OSBPL9: variants seen among roughly 807,000 people sequenced by gnomAD.
The protein encoded by OSBPL9 is oxysterol binding protein like 9.
OSBPL9 carries 40 observed loss-of-function variants against 106.6 expected under a neutral mutation model. The observed-to-expected ratio is 0.38, with a 90% CI of 0.29 to 0.49. The LOEUF is 0.49. Among genes scored for constraint, OSBPL9 ranks in the 20% least tolerant of loss-of-function variants. The pLI, the probability that OSBPL9 is intolerant of heterozygous loss-of-function variation, is 0.97. For synonymous variants in OSBPL9, 269 were observed against 295.4 expected (o/e 0.91, Z 0.92); for missense variants, 609 against 887.2 (o/e 0.69, Z 3.98).
intron 3 of OSBPL9, chr1:51,669,846 T>C (rs560517564): frequency 2.1e-6 from 1 of 485,564 alleles, no homozygotes; most frequent in African/African-American, 1.9e-5. Flanking sequence ...GGAGTATGGT[T>C]CTGCTTCTGC....
chr1:51,747,049 A>C lies in OSBPL9; in HGVS notation c.462+292A>C, dbSNP rs148263858. ...CATTGGCACGATCTCAGCTCACTGC[A>C]ACCTCCACCCTCTGGGTTAAAATGA... On this transcript the variant is annotated intron_variant, in intron 6 of 23. Coordinates refer to ENST00000428468, the MANE Select transcript of OSBPL9 (RefSeq NM_024586.6). Among the ~76,000 whole-genome samples the C allele has an allele frequency of 1.4e-3, 213 of 152,298 alleles. 2 individuals are homozygous for C. In the South Asian group the frequency reaches 0.042, roughly 30 times the overall value.
chr1:51,528,624 C>A, the OSBPL9 span, among the ~76,000 whole-genome samples: 2 of 151,968 alleles, frequency 1.3e-5, no homozygotes, highest in Admixed American at 1.3e-4. Context: ...GTAACCCCAG[C>A]ACTTTGGGAG....
chr1:51,680,095 A>G (rs1652185559), intron 3 of OSBPL9, among the ~76,000 whole-genome samples: 1 of 151,868 alleles, frequency 6.6e-6, no homozygotes, highest in Non-Finnish European at 1.5e-5. Flanking sequence ...CTCCACTAAA[A>G]ATACAAAAAT....
chr1:51,650,370 C>G lies in OSBPL9; in HGVS notation c.112-1621C>G, dbSNP rs374704722. ...CTAACCTCATCAGGGATTTTCAAATCTAATTATTATTTTTGTGTATTTCCT... is the reference window on the plus strand; with the variant it reads ...CTAACCTCATCAGGGATTTTCAAATGTAATTATTATTTTTGTGTATTTCCT... On this transcript the variant is annotated intron_variant, in intron 1 of 23. Coordinates refer to ENST00000428468, the MANE Select transcript of OSBPL9 (RefSeq NM_024586.6). 7.6e-4 allele frequency among the ~76,000 whole-genome samples: 115 copies of G among 152,192 alleles called. 1 individual carries two copies. Among genetic ancestry groups the G allele is most frequent in the African/African-American group, 2.7e-3 (113 of 41,530 alleles).
At chr1:51,647,531 G>A (rs186698663) in intron 1 of OSBPL9, among the ~76,000 whole-genome samples, 54 of 152,042 alleles carry the variant, frequency 3.6e-4, no homozygotes, top group Admixed American at 3.1e-3. Context: ...CTGGGCCTGC[G>A]CTTTTCTTTG....
At chr1:51,778,534 AAT>A (rs1675584157) in intron 15 of OSBPL9, among the ~76,000 whole-genome samples, 2 of 152,238 alleles carry the variant, frequency 1.3e-5, no homozygotes, top group African/African-American at 4.8e-5. Flanking sequence ...ATTAGAGACA[AAT>A]AGGAATATTT....
intron 1 of OSBPL9, 92 bp downstream of exon 1, chr1:51,617,313 G>T (rs949081893): frequency 7.5e-7 from 1 of 1,333,014 alleles, no homozygotes; most frequent in Non-Finnish European, 1.0e-6. Context: ...CTGAGTTGAG[G>T]TTGCTAGTCT....
At chr1:51,545,861 A>G in the OSBPL9 span, among the ~76,000 whole-genome samples, 1 of 152,230 alleles carries the variant, frequency 6.6e-6, no homozygotes, top group Admixed American at 6.5e-5. Context: ...CAAGGCTTGA[A>G]TAGTATAATT....
chr1:51,749,807 G>A (rs1668843964), intron 7 of OSBPL9, among the ~76,000 whole-genome samples: 1 of 151,284 alleles, frequency 6.6e-6, no homozygotes. Flanking sequence ...TGAGGCTGCA[G>A]TGTGCTATAA....
At chr1:51,741,863 C>G (rs1007605038) in intron 4 of OSBPL9, among the ~76,000 whole-genome samples, 1 of 152,130 alleles carries the variant, frequency 6.6e-6, no homozygotes, top group South Asian at 2.1e-4. Context: ...AGAGCTGTGG[C>G]TCACATCAGT....
At position 51,776,845 on chromosome 1, in the gene OSBPL9, A is replaced by G; in HGVS notation, c.1183A>G (p.Thr395Ala). Residue 395 changes from threonine to alanine, a missense_variant, in exon 15 of 24, where the codon ACG becomes GCG. Around this residue, in one of 5 missense-constraint regions of OSBPL9, gnomAD observed 356 missense variants for 505.8 expected, o/e 0.70. Transcript: ENST00000428468. ...GMDLTKVVLP[T>A]FILERRSLLE... Reference sequence around the variant, plus strand: ...GTATGTTTTTCAGGTAGTTCTTCCAACGTTTATTCTTGAAAGAAGATCTCT... The same window carrying G: ...GTATGTTTTTCAGGTAGTTCTTCCAGCGTTTATTCTTGAAAGAAGATCTCT... 1.2e-6 allele frequency: 2 copies of G among 1,609,954 alleles called. No individual in the cohort carries two copies. Among genetic ancestry groups the G allele is most frequent in the Non-Finnish European group, 1.7e-6 (2 of 1,176,762 alleles).
At chr1:51,749,478 A>G in intron 7 of OSBPL9, 1 of 429,556 alleles carries the variant, frequency 2.3e-6, no homozygotes, top group Non-Finnish European at 4.8e-6. Context: ...ACACACAGCT[A>G]ATTTTTATTT....
At chr1:51,588,964 C>T (rs561309075) in intron 1 of OSBPL9, among the ~76,000 whole-genome samples, 28 of 152,176 alleles carry the variant, frequency 1.8e-4, no homozygotes, top group Admixed American at 3.3e-4. Flanking sequence ...GAGAGAAAAA[C>T]GGAGAGACAG....
At chr1:51,782,441 AATAT>A (rs916792591) in intron 16 of OSBPL9, 114 bp from the exon 17 acceptor site, 7 of 663,188 alleles carry the variant, frequency 1.1e-5, no homozygotes, top group Non-Finnish European at 1.7e-5. Flanking sequence ...CTACAATAGA[AATAT>A]ATATATAGGG....
At chr1:51,655,651 G>A (rs892199664) in intron 2 of OSBPL9, among the ~76,000 whole-genome samples, 3 of 152,190 alleles carry the variant, frequency 2.0e-5, no homozygotes, top group African/African-American at 7.2e-5. Context: ...GGGTCTGTGA[G>A]AGTCATTCTT....
chr1:51,741,509 C>T (rs370550380), intron 4 of OSBPL9, among the ~76,000 whole-genome samples: 81 of 149,630 alleles, frequency 5.4e-4, no homozygotes, highest in African/African-American at 1.9e-3. Context: ...TTCCTCTTCC[C>T]CTTGCCCTTC....
In OSBPL9 at chr1:51,636,902, T is replaced by G. The variant is rs551739759; in HGVS notation, c.112-15089T>G. On this transcript the variant is annotated intron_variant, in intron 1 of 23. Transcript: ENST00000428468. Reference sequence around the variant, plus strand: ...TATTTGTAATCTAGTGACCTAGGAATTTACATGCTAGAGATGGTTCAGAAG... The same window carrying G: ...TATTTGTAATCTAGTGACCTAGGAAGTTACATGCTAGAGATGGTTCAGAAG... Among the ~76,000 whole-genome samples, 3 of 152,268 alleles carry G rather than the reference T, an allele frequency of 2.0e-5. No homozygotes were observed. In the East Asian group the frequency reaches 5.8e-4, roughly 29 times the overall value.
At chr1:51,518,682 G>A in the OSBPL9 span, among the ~76,000 whole-genome samples, 1 of 152,176 alleles carries the variant, frequency 6.6e-6, no homozygotes, top group Non-Finnish European at 1.5e-5. Flanking sequence ...GGTCTGGAGA[G>A]GAAAGACTGG....
At chr1:51,781,575 T>C (rs993743528) in intron 16 of OSBPL9, 24 of 364,266 alleles carry the variant, frequency 6.6e-5, no homozygotes, top group Non-Finnish European at 9.5e-5. Context: ...AATATAATTT[T>C]ATGGCTTTTC....
Sources: allele counts gnomAD v4.1 joint callset (sites outside exome capture counted in the v4.1 genomes callset), GRCh38; gene constraint gnomAD v4.1.1; regional missense constraint gnomAD v4.1.1; transcripts MANE v1.5; gene names NCBI Gene and HGNC (gene_info 2026-07-23, HGNC 2026-07-21).